FHDC1: variants seen among roughly 807,000 people sequenced by gnomAD.
FHDC1 encodes the protein FH2 domain containing 1.
In FHDC1, 25 loss-of-function variants were observed where a neutral mutation model predicts 52.6. The ratio of observed to expected loss-of-function variants is 0.48; its 90% CI spans 0.35 to 0.66. The LOEUF is 0.66. Ranked by LOEUF, FHDC1 falls within the 30% of genes least tolerant of loss-of-function variation. FHDC1 has a pLI of 0.01. For synonymous variants in FHDC1, 616 were observed against 581.5 expected, an observed-to-expected ratio of 1.06 and a Z score of -0.85; for missense variants, 1,459 against 1,452.8, an observed-to-expected ratio of 1.00 and a Z score of -0.07.
At chr4:152,948,189 T>G (rs1324441968) in intron 2 of FHDC1, among the ~76,000 whole-genome samples, 1 of 152,226 alleles carries the variant, frequency 6.6e-6, no homozygotes, top group Non-Finnish European at 1.5e-5. Context: ...CACATTTTTG[T>G]TTTTCAGGAC....
At position 152,975,525 on chromosome 4, in the gene FHDC1, C is replaced by A; in HGVS notation, c.2234C>A (p.Ala745Asp). ...CCAGCGCTGGAGGATGGCAAGGCTG[C>A]CCCCGATGAGCCTGGAAGTGCAGCT... ...LSPALEDGKA[A>D]PDEPGSAALG... The change falls in exon 12 of 12, where the codon GCC (alanine) becomes GAC (aspartate). Residue 745 changes from alanine to aspartate, a missense_variant. Around this residue, in one of 3 missense-constraint regions of FHDC1, gnomAD observed 939 missense variants for 854.5 expected, o/e 1.10. Coordinates refer to ENST00000511601, the MANE Select transcript of FHDC1 (RefSeq NM_001371116.1). 6.2e-7 allele frequency: 1 copy of A among 1,613,496 alleles called. No individual in the cohort carries two copies. Among genetic ancestry groups the A allele is most frequent in the Non-Finnish European group, 8.5e-7 (1 of 1,180,014 alleles).
At chr4:152,959,242 C>T (rs1354877470) in intron 4 of FHDC1, among the ~76,000 whole-genome samples, 1 of 152,224 alleles carries the variant, frequency 6.6e-6, no homozygotes, top group Non-Finnish European at 1.5e-5. Context: ...TGTTGGATGA[C>T]TCTCTATTTA....
chr4:152,962,940 GGTGTGTGTGTGT>G (rs34181980), intron 7 of FHDC1, 56 bp downstream of exon 7: 184 of 936,458 alleles, frequency 2.0e-4, no homozygotes, highest in African/African-American at 4.7e-4. Context: ...TCTATCTAAA[GGTGTGTGTGTGT>G]GTGTGTGTGT....
In FHDC1 at chr4:152,965,116, A is replaced by G; in HGVS notation, c.1100+141A>G. ...TCAGACTGTCCTTCATTTGCTTAAC[A>G]CAGGTGTGTGTGCACCTTTGGAATT... On this transcript the variant is annotated intron_variant, in intron 9 of 11. Coordinates refer to ENST00000511601, the MANE Select transcript of FHDC1 (RefSeq NM_001371116.1). 8 of 749,646 alleles carry G rather than the reference A, an allele frequency of 1.1e-5. No homozygotes were observed. The South Asian group carries it at 1.6e-4, about 15-fold the overall frequency. The allele number at this position is 749,646 out of a possible 1,614,324, so 46.4% of individuals were successfully genotyped here.
In FHDC1 at chr4:152,975,147, C is replaced by A. The variant is rs77425963; in HGVS notation, c.1856C>A (p.Ala619Glu). 2,503 of 1,612,938 alleles carry A rather than the reference C, an allele frequency of 1.6e-3. 38 individuals are homozygous for A. The African/African-American group carries it at 0.029, about 19-fold the overall frequency. Residue 619 changes from alanine (A) to glutamate (E), a missense_variant, in exon 12 of 12, where the codon GCG becomes GAG. Around this residue, in one of 3 missense-constraint regions of FHDC1, gnomAD observed 939 missense variants for 854.5 expected, o/e 1.10. Transcript: ENST00000511601. ...EEAPNPPSAQ[A>E]HQLAAAQPEN... ...GCCCCCAACCCACCCTCAGCACAGG[C>A]GCACCAGCTTGCAGCCGCCCAGCCT...
chr4:152,964,749 T>C (rs767534200), intron 8 of FHDC1, among the ~76,000 whole-genome samples, 156 bp from the exon 9 acceptor site: 1 of 152,232 alleles, frequency 6.6e-6, no homozygotes, highest in Non-Finnish European at 1.5e-5. Context: ...TAGCAAATCT[T>C]ACTAAGAGTA....
chr4:152,942,475 CT>C (rs34647413), intron 1 of FHDC1, among the ~76,000 whole-genome samples: 2 of 152,078 alleles, frequency 1.3e-5, no homozygotes, highest in African/African-American at 4.8e-5. Flanking sequence ...TGCAAGATGC[CT>C]TTTTTGACCC....
Position 152,963,141 on chromosome 4 carries a change from A to G in FHDC1, c.1029+11A>G. On this transcript the variant is annotated intron_variant, in intron 8 of 11. Transcript: ENST00000511601. ...CACTTTGTTGCACAGGTATGTGGAAATGATTAGGACTTAGAGAACGCATAT... is the reference window on the plus strand; with the variant it reads ...CACTTTGTTGCACAGGTATGTGGAAGTGATTAGGACTTAGAGAACGCATAT... 6.2e-7 allele frequency: 1 copy of G among 1,611,402 alleles called. No homozygotes were observed. Among genetic ancestry groups the G allele is most frequent in the Non-Finnish European group, 8.5e-7 (1 of 1,178,078 alleles).
chr4:152,964,428 C>T (rs1222489400), intron 8 of FHDC1, among the ~76,000 whole-genome samples: 2 of 152,214 alleles, frequency 1.3e-5, no homozygotes, highest in Non-Finnish European at 2.9e-5. Flanking sequence ...TGTGGCGAAG[C>T]CTCCTGGGTC....
rs763747509 is a variant in FHDC1 at position 152,976,986 on chromosome 4, C to A, written c.*263C>A. ...CCTCCCCCATGCACCCCACCCTCCC[C>A]CAAAGCCCGGATCCCGAGAAAGATT... On this transcript the variant is annotated 3_prime_UTR_variant, in exon 12 of 12. Coordinates refer to ENST00000511601, the MANE Select transcript of FHDC1 (RefSeq NM_001371116.1). 14 of 328,716 alleles carry A rather than the reference C, an allele frequency of 4.3e-5. No individual in the cohort carries two copies. The highest frequency in any genetic ancestry group is 8.0e-4 in the Middle Eastern group (1 of 1,246). The allele number at this position is 328,716 out of a possible 1,614,324, so 20.4% of individuals were successfully genotyped here. A position where few individuals can be genotyped will look rare whatever the true frequency, so the allele number is the denominator to read the frequency against.
intron 2 of FHDC1, among the ~76,000 whole-genome samples, chr4:152,949,167 A>AAGC (rs1554040355): frequency 2.0e-5 from 3 of 146,566 alleles, no homozygotes; most frequent in East Asian, 4.0e-4. Context: ...GAAGAAGAAG[A>AAGC]AGAAGCAGAA....
intron 1 of FHDC1, among the ~76,000 whole-genome samples, chr4:152,940,961 C>A (rs771109660): frequency 1.2e-4 from 19 of 152,182 alleles, no homozygotes; most frequent in Non-Finnish European, 2.6e-4. Flanking sequence ...AAGCCAGTTA[C>A]ATCTCAAGTG....
intron 4 of FHDC1, 130 bp downstream of exon 4, chr4:152,954,449 G>A: frequency 1.6e-6 from 1 of 632,462 alleles, no homozygotes; most frequent in Non-Finnish European, 2.7e-6. Flanking sequence ...CACTTTGGGA[G>A]GCAGAGGCAG....
At chr4:152,971,605 G>T (rs969894992) in intron 10 of FHDC1, among the ~76,000 whole-genome samples, 2 of 152,168 alleles carry the variant, frequency 1.3e-5, no homozygotes, top group Admixed American at 6.5e-5. Context: ...GAATGCACAG[G>T]GGCCTCAGAG....
chr4:152,932,660 T>C (rs1579073849), upstream of FHDC1, among the ~76,000 whole-genome samples: 1 of 152,192 alleles, frequency 6.6e-6, no homozygotes, highest in East Asian at 1.9e-4. Context: ...ACAACTGATC[T>C]AATCAAATAT....
In FHDC1 at chr4:152,976,491, G is replaced by A. The variant is rs765819580; in HGVS notation, c.3200G>A (p.Arg1067Gln). ...APGITRTVSQRQLRVKGDPED... is the reference protein window; with the variant it reads ...APGITRTVSQQQLRVKGDPED... ...GGCATCACTCGGACAGTGTCGCAGC[G>A]GCAGCTGAGGGTGAAAGGGGACCCC... Residue 1067 changes from arginine to glutamine, a missense_variant, in exon 12 of 12, where the codon CGG (arginine) becomes CAG (glutamine). Around this residue, in one of 3 missense-constraint regions of FHDC1, gnomAD observed 939 missense variants for 854.5 expected, o/e 1.10. Coordinates refer to ENST00000511601, the MANE Select transcript of FHDC1 (RefSeq NM_001371116.1). 62 of 1,613,366 alleles carry A rather than the reference G, an allele frequency of 3.8e-5. 1 individual carries two copies. The highest frequency in any genetic ancestry group is 1.5e-4 in the Admixed American group (9 of 60,012).
chr4:152,975,619 C>T lies in FHDC1; in HGVS notation c.2328C>T (p.Thr776=). The T allele has an allele frequency of 1.2e-6, 2 of 1,613,660 alleles. No homozygotes were observed. Among genetic ancestry groups the T allele is most frequent in the South Asian group, 1.1e-5 (1 of 91,086 alleles). ...GACCTCTGTTCTGCATCTCGGACAC[C>T]ACCGACTGCTCACTGACCCTGGACT... The part of the protein sequence containing the change: ...DPRPLFCISD[T]TDCSLTLDCS... Residue 776 remains threonine, a synonymous_variant, in exon 12 of 12, where the codon ACC becomes ACT. Transcript: ENST00000511601.
At chr4:152,962,519 C>T (rs569806233) in intron 6 of FHDC1, among the ~76,000 whole-genome samples, 1 of 152,328 alleles carries the variant, frequency 6.6e-6, no homozygotes, top group South Asian at 2.1e-4. Flanking sequence ...TACTGCTTTG[C>T]ATTAGGCTTT....
intron 1 of FHDC1, among the ~76,000 whole-genome samples, chr4:152,940,268 G>A (rs1015373687): frequency 4.6e-5 from 7 of 152,194 alleles, no homozygotes; most frequent in African/African-American, 1.7e-4. Flanking sequence ...AGAAGCCGTT[G>A]GGGGGCTAGG....
Sources: allele counts gnomAD v4.1 joint callset (sites outside exome capture counted in the v4.1 genomes callset), GRCh38; gene constraint gnomAD v4.1.1; regional missense constraint gnomAD v4.1.1; transcripts MANE v1.5; gene names NCBI Gene and HGNC (gene_info 2026-07-23, HGNC 2026-07-21).